The following TMEM38B variants were observed in gnomAD, a reference collection of about 807,000 sequenced individuals.
TMEM38B encodes the protein trimeric intracellular cation channel type B.
In TMEM38B, 24 loss-of-function variants were observed where a neutral mutation model predicts 28.7. The ratio of observed to expected loss-of-function variants is 0.84; its 90% CI spans 0.61 to 1.18. TMEM38B has a LOEUF of 1.18. Among genes scored for constraint, TMEM38B ranks in the 50% most tolerant of loss-of-function variants. The probability of loss-of-function intolerance (pLI) is 0.00; values close to 1 mark genes in which losing one functional copy is unlikely to be tolerated. For synonymous variants in TMEM38B, 131 were observed against 127.7 expected (o/e 1.03, Z -0.17); for missense variants, 380 against 350.9 (o/e 1.08, Z -0.66).
chr9:105,768,614 C>G lies in TMEM38B; in HGVS notation c.661-5251C>G, dbSNP rs138326123. Among the ~76,000 whole-genome samples the G allele has an allele frequency of 3.4e-3, 514 of 152,154 alleles. 5 individuals are homozygous for G. Among genetic ancestry groups the G allele is most frequent in the African/African-American group, 0.012 (479 of 41,550 alleles). ...AGGGCTATGCAGATTTTCTATTTTACTTGTGTCTGTTTTACTAAGTTGTAT... is the reference window on the plus strand; with the variant it reads ...AGGGCTATGCAGATTTTCTATTTTAGTTGTGTCTGTTTTACTAAGTTGTAT... On this transcript the variant is annotated intron_variant, in intron 5 of 5. Coordinates refer to ENST00000374692, the MANE Select transcript of TMEM38B (RefSeq NM_018112.3).
In TMEM38B at chr9:105,735,827, C is replaced by A. The variant is rs144824200; in HGVS notation, c.543-12246C>A. Among the ~76,000 whole-genome samples, 76 of 152,142 alleles carry A rather than the reference C, an allele frequency of 5.0e-4. 1 individual carries two copies. The East Asian group carries it at 0.011, about 22-fold the overall frequency. The stretch of plus-strand genomic sequence containing the variant: ...GCTTCCTGGATGTGGATATCAGTAT[C>A]TCAACCAAGACTTGGGAAATTTTCA... On this transcript the variant is annotated intron_variant, in intron 4 of 5. Transcript: ENST00000374692.
intron 5 of TMEM38B, among the ~76,000 whole-genome samples, chr9:105,754,215 A>T (rs533370873): frequency 6.6e-6 from 1 of 152,266 alleles, no homozygotes; most frequent in South Asian, 2.1e-4. Context: ...CCTACTGACA[A>T]TATTAGATCA....
At chr9:105,772,554 C>CAGTT (rs1826587479) in intron 5 of TMEM38B, among the ~76,000 whole-genome samples, 2 of 152,134 alleles carry the variant, frequency 1.3e-5, no homozygotes, top group Non-Finnish European at 2.9e-5. Flanking sequence ...TGTCTTTTAG[C>CAGTT]AGTTACTTTA....
intron 1 of TMEM38B, among the ~76,000 whole-genome samples, chr9:105,697,463 T>C (rs936173600): frequency 6.6e-6 from 1 of 152,236 alleles, no homozygotes. Context: ...TTATTGGTCT[T>C]CAATATCTTG....
At chr9:105,695,556 G>C (rs1835259188) in intron 1 of TMEM38B, among the ~76,000 whole-genome samples, 1 of 152,180 alleles carries the variant, frequency 6.6e-6, no homozygotes, top group South Asian at 2.1e-4. Flanking sequence ...TTTACACCAG[G>C]GTGCGTTTGC....
chr9:105,759,245 C>CT (rs1837947932), intron 5 of TMEM38B: 2 of 717,410 alleles, frequency 2.8e-6, no homozygotes, highest in African/African-American at 3.5e-5. Context: ...TTGTTTGTGG[C>CT]TATGTCATAG....
chr9:105,725,478 G>A (rs1836475988), intron 4 of TMEM38B, among the ~76,000 whole-genome samples: 2 of 151,458 alleles, frequency 1.3e-5, no homozygotes, highest in Admixed American at 6.6e-5. Flanking sequence ...ATAGTCATGT[G>A]TTGCTTAACG....
intron 2 of TMEM38B, among the ~76,000 whole-genome samples, chr9:105,715,425 A>G (rs967115999): frequency 6.6e-6 from 1 of 152,054 alleles, no homozygotes. Context: ...TCTCTTCTAC[A>G]TGGTGTGTTC....
chr9:105,748,707 C>T (rs987864294), intron 5 of TMEM38B, among the ~76,000 whole-genome samples: 1 of 152,134 alleles, frequency 6.6e-6, no homozygotes, highest in African/African-American at 2.4e-5. Flanking sequence ...AGGCAAGCCA[C>T]TTAATGTCTC....
At chr9:105,762,622 G>GTA (rs1483402523) in intron 5 of TMEM38B, among the ~76,000 whole-genome samples, 1 of 133,834 alleles carries the variant, frequency 7.5e-6, no homozygotes, top group African/African-American at 2.9e-5. Context: ...ATTCCATGGT[G>GTA]TATATGTGCC....
At chr9:105,743,796 A>C (rs556033546) in intron 4 of TMEM38B, among the ~76,000 whole-genome samples, 2 of 152,260 alleles carry the variant, frequency 1.3e-5, no homozygotes, top group Admixed American at 1.3e-4. Context: ...CTTTTCCTGC[A>C]TTCCACCCTG....
At chr9:105,755,482 TAAA>T (rs57315077) in intron 5 of TMEM38B, among the ~76,000 whole-genome samples, 17,190 of 152,084 alleles carry the variant, frequency 0.11, 1,449 homozygotes, top group East Asian at 0.46. Flanking sequence ...AAATAGATAA[TAAA>T]AAAGAAGTGT....
At chr9:105,761,552 A>G (rs946741175) in intron 5 of TMEM38B, among the ~76,000 whole-genome samples, 6 of 152,170 alleles carry the variant, frequency 3.9e-5, no homozygotes, top group African/African-American at 9.6e-5. Flanking sequence ...TAAGGTATTT[A>G]TTTTTAATCA....
chr9:105,773,539 T>G (rs568186825), intron 5 of TMEM38B, among the ~76,000 whole-genome samples: 7 of 152,326 alleles, frequency 4.6e-5, no homozygotes, highest in Non-Finnish European at 8.8e-5. Flanking sequence ...AAAGCACTTA[T>G]CTTCGTTCTG....
intron 5 of TMEM38B, among the ~76,000 whole-genome samples, chr9:105,753,713 C>T (rs1336793924): frequency 6.6e-6 from 1 of 152,068 alleles, no homozygotes; most frequent in Non-Finnish European, 1.5e-5. Context: ...TACAAAAACA[C>T]ACTGAAGCAC....
chr9:105,759,469 A>G lies in TMEM38B; in HGVS notation c.660+11279A>G, dbSNP rs1007065839. On this transcript the variant is annotated intron_variant, in intron 5 of 5. Coordinates refer to ENST00000374692, the MANE Select transcript of TMEM38B (RefSeq NM_018112.3). ...TAAGAAAATGCAGCTAGTTAATTTAAGAAACAGAGGAGTGAGTGCTAATGA... is the reference window on the plus strand; with the variant it reads ...TAAGAAAATGCAGCTAGTTAATTTAGGAAACAGAGGAGTGAGTGCTAATGA... 7.6e-6 allele frequency: 12 copies of G among 1,573,464 alleles called. No homozygotes were observed. In the Admixed American group the frequency reaches 2.2e-4, roughly 29 times the overall value.
At chr9:105,744,623 A>C (rs1344337525) in intron 4 of TMEM38B, among the ~76,000 whole-genome samples, 1 of 151,628 alleles carries the variant, frequency 6.6e-6, no homozygotes, top group Non-Finnish European at 1.5e-5. Context: ...TTTAGGGTAC[A>C]TGTGCAGAAC....
In TMEM38B at chr9:105,749,732, C is replaced by A. The variant is rs189432086; in HGVS notation, c.660+1542C>A. ...AAGTCATTTCACATTTTCCCCAATA[C>A]TTCCAGCTATAGGCCATTTTATTTA... On this transcript the variant is annotated intron_variant, in intron 5 of 5. Transcript: ENST00000374692. Among the ~76,000 whole-genome samples, 84 of 152,316 alleles carry A rather than the reference C, an allele frequency of 5.5e-4. 1 individual carries two copies. Among genetic ancestry groups the A allele is most frequent in the African/African-American group, 1.8e-3 (74 of 41,566 alleles).
At position 105,774,093 on chromosome 9, in the gene TMEM38B, A is replaced by G. The variant is rs765042474; in HGVS notation, c.*13A>G. On this transcript the variant is annotated 3_prime_UTR_variant, in exon 6 of 6. Transcript: ENST00000374692. ...GAAGAATGAATAAATTTACGTGATG[A>G]GCTCTACAAGGCCAAAAATTTTTTT... is the stretch of plus-strand genomic sequence containing the variant. The G allele has an allele frequency of 3.7e-6, 6 of 1,611,380 alleles. No homozygotes were observed. Among genetic ancestry groups the G allele is most frequent in the Non-Finnish European group, 5.1e-6 (6 of 1,178,658 alleles).
Sources: gnomAD v4.1 joint callset for allele counts (sites outside exome capture counted in the v4.1 genomes callset) on GRCh38, gnomAD v4.1.1 for gene constraint, MANE v1.5 for transcripts, NCBI Gene and HGNC (gene_info 2026-07-23, HGNC 2026-07-21) for gene names.